PALM2AKAP2: variants seen among roughly 807,000 people sequenced by gnomAD.
The protein encoded by PALM2AKAP2 is PALM2 and AKAP2 fusion.
A neutral mutation model predicts 71.5 loss-of-function variants in PALM2AKAP2; 37 were observed. The observed-to-expected ratio is 0.52, with a 90% CI of 0.40 to 0.68. The LOEUF (loss-of-function observed/expected upper bound fraction) is 0.68, where lower values mean the gene tolerates loss of function less well. PALM2AKAP2 is among the 30% of genes least tolerant of loss of function. The pLI, the probability that PALM2AKAP2 is intolerant of heterozygous loss-of-function variation, is 0.00. For missense variants in PALM2AKAP2, 1,224 were observed against 1,191.8 expected (o/e 1.03, Z -0.40); for synonymous variants, 468 against 478.8 (o/e 0.98, Z 0.29).
chr9:110,155,725 C>T (rs923161084), intron 2 of PALM2AKAP2, among the ~76,000 whole-genome samples: 3 of 152,152 alleles, frequency 2.0e-5, no homozygotes, highest in African/African-American at 2.4e-5. Context: ...AGTGTAAGAC[C>T]GGGGCAAACT....
At chr9:109,757,260 C>T (rs1828978062) in intron 1 of PALM2AKAP2, among the ~76,000 whole-genome samples, 3 of 152,056 alleles carry the variant, frequency 2.0e-5, no homozygotes, top group African/African-American at 7.2e-5. Flanking sequence ...AACATAATAA[C>T]CTCCAGTTCC....
intron 1 of PALM2AKAP2, among the ~76,000 whole-genome samples, chr9:110,076,118 T>G (rs1341733447): frequency 6.6e-6 from 1 of 152,164 alleles, no homozygotes; most frequent in African/African-American, 2.4e-5. Context: ...TCACACTTTG[T>G]ATTTTGATAT....
chr9:109,982,319 G>A (rs1226815264), intron 6 of PALM2AKAP2, among the ~76,000 whole-genome samples: 1 of 152,148 alleles, frequency 6.6e-6, no homozygotes, highest in African/African-American at 2.4e-5. Context: ...AGTGGGGAGG[G>A]GGAAGTGGGT....
intron 7 of PALM2AKAP2, among the ~76,000 whole-genome samples, chr9:110,031,423 C>T (rs1389096180): frequency 6.6e-6 from 1 of 152,168 alleles, no homozygotes; most frequent in African/African-American, 2.4e-5. Flanking sequence ...AGCCACTGCA[C>T]CCCACCAGAG....
At chr9:109,890,991 G>A (rs7040787) in intron 3 of PALM2AKAP2, among the ~76,000 whole-genome samples, 12,292 of 152,134 alleles carry the variant, frequency 0.081, 878 homozygotes, top group East Asian at 0.26. Flanking sequence ...TCTGAATACC[G>A]CCCAGTGCAC....
chr9:109,648,200 C>T (rs756561981), intron 1 of PALM2AKAP2, among the ~76,000 whole-genome samples: 1 of 152,184 alleles, frequency 6.6e-6, no homozygotes, highest in Non-Finnish European at 1.5e-5. Flanking sequence ...GAGGCCTCTC[C>T]AGCCATGCAG....
chr9:109,904,324 A>G (rs914466279), intron 3 of PALM2AKAP2, among the ~76,000 whole-genome samples: 1 of 152,234 alleles, frequency 6.6e-6, no homozygotes, highest in African/African-American at 2.4e-5. Context: ...ACATGGGAAT[A>G]AAATAATCCC....
intron 1 of PALM2AKAP2, among the ~76,000 whole-genome samples, chr9:109,708,531 A>G (rs1828178410): frequency 3.3e-5 from 5 of 152,228 alleles, no homozygotes; most frequent in Admixed American, 2.6e-4. Context: ...AATGTTTGCT[A>G]AATATAAACA....
chr9:109,687,491 A>T (rs1036912867), intron 1 of PALM2AKAP2, among the ~76,000 whole-genome samples: 1 of 152,060 alleles, frequency 6.6e-6, no homozygotes, highest in African/African-American at 2.4e-5. Context: ...CTTTCCTCAA[A>T]CCTCATGAAC....
intron 6 of PALM2AKAP2, among the ~76,000 whole-genome samples, chr9:109,982,844 G>A (rs1230221272): frequency 6.6e-6 from 1 of 152,138 alleles, no homozygotes; most frequent in Non-Finnish European, 1.5e-5. Flanking sequence ...GGTTGGTCTT[G>A]AACTCCTGAT....
chr9:110,012,960 T>C (rs566125883), intron 6 of PALM2AKAP2, among the ~76,000 whole-genome samples: 22 of 152,386 alleles, frequency 1.4e-4, no homozygotes, highest in African/African-American at 4.6e-4. Context: ...TTTTCATTTA[T>C]AATTTTGGTT....
At chr9:109,705,805 G>A (rs1828134826) in intron 1 of PALM2AKAP2, among the ~76,000 whole-genome samples, 1 of 152,168 alleles carries the variant, frequency 6.6e-6, no homozygotes, top group South Asian at 2.1e-4. Context: ...TAACCTAGTT[G>A]AATTATTTAA....
intron 1 of PALM2AKAP2, among the ~76,000 whole-genome samples, chr9:110,116,472 T>C (rs1285853402): frequency 2.6e-5 from 4 of 152,206 alleles, no homozygotes; most frequent in Non-Finnish European, 5.9e-5. Context: ...CTCCTGTACA[T>C]TTAAGTTAAA....
At chr9:109,993,926 C>T (rs1325625619) in intron 6 of PALM2AKAP2, among the ~76,000 whole-genome samples, 3 of 152,070 alleles carry the variant, frequency 2.0e-5, no homozygotes, top group Non-Finnish European at 4.4e-5. Flanking sequence ...GTCTAGGCAG[C>T]TCAGCCTCTC....
chr9:110,079,385 A>T (rs939762041), intron 1 of PALM2AKAP2, among the ~76,000 whole-genome samples: 1 of 152,092 alleles, frequency 6.6e-6, no homozygotes, highest in Admixed American at 6.5e-5. Flanking sequence ...AATCCCAGCT[A>T]CTCGGGAGGC....
intron 1 of PALM2AKAP2, among the ~76,000 whole-genome samples, chr9:109,692,291 A>G (rs1280038544): frequency 6.6e-6 from 1 of 151,706 alleles, no homozygotes; most frequent in Admixed American, 6.6e-5. Flanking sequence ...TTGCATTTTG[A>G]CTTTGTATCT....
chr9:110,145,337 C>T (rs1232898716), intron 2 of PALM2AKAP2, among the ~76,000 whole-genome samples: 5 of 152,308 alleles, frequency 3.3e-5, no homozygotes, highest in East Asian at 1.9e-4. Flanking sequence ...ACTTAGTCCA[C>T]ATCAGCCATC....
chr9:109,989,684 C>T (rs1832441258), intron 6 of PALM2AKAP2, among the ~76,000 whole-genome samples: 1 of 152,236 alleles, frequency 6.6e-6, no homozygotes, highest in Non-Finnish European at 1.5e-5. Flanking sequence ...ATAGAGCAAG[C>T]CCTGCCATGC....
intron 1 of PALM2AKAP2, among the ~76,000 whole-genome samples, chr9:110,050,610 T>TTTTTC (rs552561896): frequency 3.3e-5 from 5 of 151,652 alleles, no homozygotes; most frequent in African/African-American, 4.9e-5. Flanking sequence ...CCTTTCTCTG[T>TTTTTC]TTTTCTTTTC....
Sources: gnomAD v4.1 joint callset for allele counts (sites outside exome capture counted in the v4.1 genomes callset) on GRCh38, gnomAD v4.1.1 for gene constraint, MANE v1.5 for transcripts, NCBI Gene and HGNC (gene_info 2026-07-23, HGNC 2026-07-21) for gene names.